Variants in NFASC observed in about 807,000 individuals in gnomAD.
NFASC encodes neurofascin, also known as neurofascin homolog.
Under a neutral mutation model 147.5 loss-of-function variants are expected in NFASC, and 43 were observed. The observed-to-expected ratio is 0.29, with a 90% CI of 0.23 to 0.38. The LOEUF (loss-of-function observed/expected upper bound fraction) is 0.38, where lower values mean the gene tolerates loss of function less well. NFASC is among the 10% of genes least tolerant of loss of function. The pLI is 1.00. For synonymous variants in NFASC, 622 were observed against 665.5 expected (o/e 0.93, Z 1.01); for missense variants, 1,320 against 1,689.0 (o/e 0.78, Z 3.83).
At chr1:204,904,198 G>A (rs1372118674) in intron 1 of NFASC, among the ~76,000 whole-genome samples, 2 of 152,116 alleles carry the variant, frequency 1.3e-5, no homozygotes, top group Non-Finnish European at 2.9e-5. Flanking sequence ...CCCAGCCTCA[G>A]GTGATCCTCC....
At position 204,954,237 on chromosome 1, in the gene NFASC, C is replaced by T. The variant is rs922818448; in HGVS notation, c.265C>T (p.Arg89Trp). The change falls in exon 6 of 30, where the codon CGG becomes TGG. Residue 89 changes from arginine to tryptophan, a missense_variant. Physicochemically the swap from Arg to Trp is moderately radical, Grantham distance 101 (BLOSUM62 -3). Transcript: ENST00000339876. The surrounding 1 kb of genome is among the most constrained non-coding windows in gnomAD (Gnocchi z 5.7). ...SRFFNIAKDP[R>W]VSMRRRSGTL... ...ATTCTTCAACATCGCCAAGGACCCC[C>T]GGGTGTCCATGAGGAGGAGGTCTGG... The T allele has an allele frequency of 9.9e-6, 16 of 1,614,056 alleles. No homozygotes were observed. Among genetic ancestry groups the T allele is most frequent in the Admixed American group, 3.3e-5 (2 of 60,008 alleles).
intron 16 of NFASC, among the ~76,000 whole-genome samples, 197 bp from the exon 17 acceptor site, chr1:204,977,484 C>T (rs1021992266): frequency 4.6e-5 from 7 of 152,276 alleles, no homozygotes; most frequent in East Asian, 1.9e-4. Context: ...ACAGAGGTGC[C>T]GCCCCCAGCT....
chr1:204,956,576 C>T (rs2094442093), intron 7 of NFASC, among the ~76,000 whole-genome samples: 3 of 152,194 alleles, frequency 2.0e-5, no homozygotes, highest in Non-Finnish European at 4.4e-5. Flanking sequence ...GCTCGCCACG[C>T]TGCATTGCAA....
rs1483863074 is a variant in NFASC, at chr1:205,001,748, G to A, written c.3136+462G>A. 2.0e-5 allele frequency among the ~76,000 whole-genome samples: 3 copies of A among 152,202 alleles called. No homozygotes were observed. The East Asian group carries it at 5.8e-4, about 29-fold the overall frequency. ...TCAGAGCCACAGACCAGAGCCATTT[G>A]TCCCAGCTGGTGGCTTGAGCTGAGT... On this transcript the variant is annotated intron_variant, in intron 26 of 29. Transcript: ENST00000339876.
chr1:204,873,904 C>T (rs951677251), intron 1 of NFASC, among the ~76,000 whole-genome samples: 4 of 152,128 alleles, frequency 2.6e-5, no homozygotes, highest in South Asian at 2.1e-4. Context: ...GGGAGCAGGG[C>T]AGCTAACACC....
chr1:204,845,159 G>A (rs1243245731), intron 1 of NFASC, among the ~76,000 whole-genome samples: 1 of 152,090 alleles, frequency 6.6e-6, no homozygotes, highest in Non-Finnish European at 1.5e-5. Flanking sequence ...TGTTTTCCTT[G>A]AAATGCATGA....
At chr1:204,958,407 A>C (rs2094520134) in intron 8 of NFASC, among the ~76,000 whole-genome samples, 1 of 152,116 alleles carries the variant, frequency 6.6e-6, no homozygotes, top group African/African-American at 2.4e-5. Context: ...CTTATGTTTG[A>C]GTTTTATTTG....
chr1:204,837,374 T>C (rs1034490388), intron 1 of NFASC, among the ~76,000 whole-genome samples: 1 of 152,114 alleles, frequency 6.6e-6, no homozygotes, highest in African/African-American at 2.4e-5. Flanking sequence ...AAACAGCTAG[T>C]GTGGTCAGGC....
intron 3 of NFASC, among the ~76,000 whole-genome samples, chr1:204,948,265 C>T (rs1344934169): frequency 2.6e-5 from 4 of 152,254 alleles, no homozygotes; most frequent in Non-Finnish European, 4.4e-5. Flanking sequence ...TGGTCACCCT[C>T]ATCCGTACAA....
intron 1 of NFASC, among the ~76,000 whole-genome samples, chr1:204,867,707 T>A (rs995384362): frequency 6.6e-6 from 1 of 151,734 alleles, no homozygotes; most frequent in Admixed American, 6.6e-5. Context: ...CTGAAGCCCC[T>A]CCCCAGAGAC....
chr1:204,841,129 G>A (rs1168386217), intron 1 of NFASC, among the ~76,000 whole-genome samples: 7 of 152,188 alleles, frequency 4.6e-5, no homozygotes, highest in Admixed American at 1.3e-4. Context: ...GAAGGCTATG[G>A]GACATGCAAT....
intron 1 of NFASC, among the ~76,000 whole-genome samples, chr1:204,887,774 T>G (rs2081604050): frequency 6.6e-6 from 1 of 151,894 alleles, no homozygotes; most frequent in Admixed American, 6.6e-5. Flanking sequence ...TTTTTTATAT[T>G]TTTTGTAGAG....
At chr1:205,008,854 A>T (rs965686953) in intron 27 of NFASC, 3 of 155,482 alleles carry the variant, frequency 1.9e-5, no homozygotes, top group South Asian at 2.0e-4. Flanking sequence ...GCATGGAGTG[A>T]GCAGAAGGCA....
intron 1 of NFASC, among the ~76,000 whole-genome samples, chr1:204,843,587 TCTTCCTTCCTTCCTTCCTTCCTTCCTTC>T (rs141939311): frequency 2.2e-4 from 26 of 120,590 alleles, no homozygotes; most frequent in African/African-American, 7.3e-4. Flanking sequence ...CTTCTTTCCT[TCTTCCTTCCTTCCTTCCTTCCTTCCTTC>T]CTTCCTTCCT....
chr1:205,000,223 ATCTTC>A (rs2095945608), intron 25 of NFASC: 1 of 152,200 alleles, frequency 6.6e-6, no homozygotes, highest in Non-Finnish European at 1.5e-5. Context: ...TCAAGGAGTT[ATCTTC>A]TCTTGGTCGC....
At chr1:204,910,944 T>C (rs1057277494) in intron 1 of NFASC, among the ~76,000 whole-genome samples, 1 of 152,194 alleles carries the variant, frequency 6.6e-6, no homozygotes, top group African/African-American at 2.4e-5. Flanking sequence ...CTTGCCTTAT[T>C]CTATTGGCTA....
chr1:204,920,427 CTTTT>C (rs11381518), intron 1 of NFASC, among the ~76,000 whole-genome samples: 9 of 119,550 alleles, frequency 7.5e-5, no homozygotes, highest in South Asian at 2.9e-4. Context: ...AGGATCTGTC[CTTTT>C]TTTTTTTTTT....
chr1:204,906,778 G>GTC (rs2086025341), intron 1 of NFASC, among the ~76,000 whole-genome samples: 3 of 131,008 alleles, frequency 2.3e-5, no homozygotes, highest in African/African-American at 8.9e-5. Context: ...CGCCTCCCGG[G>GTC]CTCATGCCAT....
chr1:204,967,955 G>A (rs979316453), intron 8 of NFASC: 13 of 312,312 alleles, frequency 4.2e-5, no homozygotes, highest in African/African-American at 1.1e-4. Flanking sequence ...GCACTGCTCA[G>A]ACAGCCCCTC....
Sources: allele counts gnomAD v4.1 joint callset (sites outside exome capture counted in the v4.1 genomes callset), GRCh38; gene constraint gnomAD v4.1.1; non-coding constraint Gnocchi (gnomAD v3.1); transcripts MANE v1.5; gene names NCBI Gene and HGNC (gene_info 2026-07-23, HGNC 2026-07-21).